POT1: variants seen among roughly 807,000 people sequenced by gnomAD.
POT1 encodes the protein protection of telomeres protein 1.
In POT1, 47 loss-of-function variants were observed where a neutral mutation model predicts 78.5. The ratio of observed to expected loss-of-function variants is 0.60; its 90% CI spans 0.47 to 0.76. POT1 has a LOEUF of 0.76. Ranked by LOEUF, POT1 falls within the 30% of genes least tolerant of loss-of-function variation. The pLI is 0.00. For synonymous variants in POT1, 259 were observed against 260.7 expected (o/e 0.99, Z 0.06); for missense variants, 646 against 749.9 (o/e 0.86, Z 1.62).
rs1283742832 is a variant in POT1 at position 124,829,249 on chromosome 7, C to T, written c.1594+5G>A. Reference sequence around the variant, plus strand: ...AAAATTGCAGGGCATGGAAATTTAGCTAACCTTCTGCCACAGAAGAAGGAA... The same window carrying T: ...AAAATTGCAGGGCATGGAAATTTAGTTAACCTTCTGCCACAGAAGAAGGAA... On this transcript the variant is annotated splice_donor_5th_base_variant and intron_variant, in intron 16 of 18. Coordinates refer to ENST00000357628, the MANE Select transcript of POT1 (RefSeq NM_015450.3). 1 of 1,575,852 alleles carries T rather than the reference C, an allele frequency of 6.3e-7. No individual in the cohort carries two copies. The highest frequency in any genetic ancestry group is 8.7e-7 in the Non-Finnish European group (1 of 1,148,418).
intron 5 of POT1, 72 bp downstream of exon 5, chr7:124,897,093 C>A: frequency 2.2e-6 from 2 of 900,440 alleles, no homozygotes; most frequent in Non-Finnish European, 3.3e-6. Context: ...AATATACATA[C>A]ACATGTATCT....
Position 124,822,451 on chromosome 7 carries a change from T to A in POT1, c.*1511A>T. 2.4e-6 allele frequency: 1 copy of A among 408,834 alleles called. No homozygotes were observed. Among genetic ancestry groups the A allele is most frequent in the African/African-American group, 2.0e-5 (1 of 48,968 alleles). 25.3% of individuals were successfully genotyped at this position (408,834 alleles called of 1,614,324 possible). ...GAGACATGGCCTATCATCATGAAGA[T>A]TCATAGGAAGAGTTTTCCTTTGTTA... On this transcript the variant is annotated 3_prime_UTR_variant, in exon 19 of 19. Coordinates refer to ENST00000357628, the MANE Select transcript of POT1 (RefSeq NM_015450.3).
chr7:124,892,318 A>G lies in POT1; in HGVS notation c.72T>C (p.Asn24=), dbSNP rs774667836. 6.5e-7 allele frequency: 1 copy of G among 1,541,694 alleles called. No homozygotes were observed. Among genetic ancestry groups the G allele is most frequent in the Non-Finnish European group, 8.7e-7 (1 of 1,151,280 alleles). The change falls in exon 6 of 19, where the codon AAT becomes AAC. Residue 24 remains asparagine, a synonymous_variant. Transcript: ENST00000357628. ...TAAAGAACTTCACAACACCATAGAC[A>G]TTGACAATTGTACCACCCTTAAGTT... ...LNQLKGGTIV[N]VYGVVKFFKP... is the part of the protein sequence containing the mutation.
intron 2 of POT1, among the ~76,000 whole-genome samples, chr7:124,923,738 G>A (rs2116718873): frequency 6.6e-6 from 1 of 151,180 alleles, no homozygotes; most frequent in Middle Eastern, 3.4e-3. Flanking sequence ...TTCAGAATGT[G>A]TAAAGTCAAA....
At chr7:124,875,526 C>T (rs765539338) in intron 6 of POT1, among the ~76,000 whole-genome samples, 2 of 152,010 alleles carry the variant, frequency 1.3e-5, no homozygotes, top group Non-Finnish European at 2.9e-5. Context: ...AAAATTTGTG[C>T]CCATGGTCAG....
At chr7:124,825,640 C>G (rs1199499532) in intron 17 of POT1, among the ~76,000 whole-genome samples, 1 of 151,938 alleles carries the variant, frequency 6.6e-6, no homozygotes, top group East Asian at 1.9e-4. Context: ...TGACTATTCT[C>G]TTTGTGCATA....
At chr7:124,886,939 TA>T (rs1205438552) in intron 6 of POT1, among the ~76,000 whole-genome samples, 4 of 152,126 alleles carry the variant, frequency 2.6e-5, no homozygotes, top group African/African-American at 9.7e-5. Flanking sequence ...ATCAACTTGT[TA>T]AAAAAACTTT....
At chr7:124,884,433 G>A (rs1796194724) in intron 6 of POT1, among the ~76,000 whole-genome samples, 1 of 152,086 alleles carries the variant, frequency 6.6e-6, no homozygotes, top group Admixed American at 6.6e-5. Context: ...TCTGCTTCTA[G>A]AAACACTGTA....
At chr7:124,866,286 T>C (rs1369617757) in intron 7 of POT1, among the ~76,000 whole-genome samples, 1 of 127,224 alleles carries the variant, frequency 7.9e-6, no homozygotes, top group Non-Finnish European at 1.7e-5. Flanking sequence ...ATGTGGTCCT[T>C]CGTGAGGTGA....
intron 6 of POT1, among the ~76,000 whole-genome samples, chr7:124,879,791 A>G (rs1283301710): frequency 1.3e-5 from 2 of 152,132 alleles, no homozygotes; most frequent in Non-Finnish European, 2.9e-5. Flanking sequence ...TCACTTCTCT[A>G]TTTGTACTTC....
At chr7:124,862,336 G>A (rs1333114612) in intron 8 of POT1, among the ~76,000 whole-genome samples, 2 of 152,150 alleles carry the variant, frequency 1.3e-5, no homozygotes, top group Non-Finnish European at 2.9e-5. Flanking sequence ...CTTGTCATAG[G>A]AAGTGTTCAG....
intron 11 of POT1, among the ~76,000 whole-genome samples, chr7:124,848,930 A>G (rs1168546898): frequency 3.3e-5 from 5 of 152,208 alleles, no homozygotes; most frequent in African/African-American, 1.2e-4. Flanking sequence ...TACTCTAACA[A>G]GAAAGCAAAA....
chr7:124,913,429 C>G (rs1366165445), intron 3 of POT1, among the ~76,000 whole-genome samples: 2 of 152,142 alleles, frequency 1.3e-5, no homozygotes, highest in African/African-American at 4.8e-5. Flanking sequence ...TATACACTGT[C>G]TTTTCATGTT....
chr7:124,905,588 T>C (rs1211092495), intron 3 of POT1, among the ~76,000 whole-genome samples: 1 of 150,404 alleles, frequency 6.6e-6, no homozygotes, highest in South Asian at 2.1e-4. Context: ...AAGAACTTCA[T>C]GACTAAAACA....
chr7:124,848,389 G>T (rs1795221821), intron 11 of POT1, among the ~76,000 whole-genome samples: 1 of 152,172 alleles, frequency 6.6e-6, no homozygotes, highest in Non-Finnish European at 1.5e-5. Flanking sequence ...CATAGGCCAG[G>T]CACGGTGGCT....
At chr7:124,900,427 C>T (rs906700877) in intron 3 of POT1, among the ~76,000 whole-genome samples, 4 of 152,116 alleles carry the variant, frequency 2.6e-5, no homozygotes, top group African/African-American at 7.2e-5. Context: ...CTCTCCTATA[C>T]AGCGTTTTAG....
At chr7:124,833,923 A>G (rs1322553665) in intron 15 of POT1, among the ~76,000 whole-genome samples, 2 of 152,334 alleles carry the variant, frequency 1.3e-5, no homozygotes, top group East Asian at 1.9e-4. Flanking sequence ...ACAGTTTTTA[A>G]TTCCAAAAGT....
rs761015263 is a variant in POT1, at chr7:124,827,338, G to T, written c.1595-33C>A. The T allele has an allele frequency of 1.5e-4, 189 of 1,250,522 alleles. No individual in the cohort carries two copies. Among genetic ancestry groups the T allele is most frequent in the Non-Finnish European group, 2.1e-4 (182 of 871,388 alleles). 77.5% of individuals were successfully genotyped at this position (1,250,522 alleles called of 1,614,324 possible). A position where few individuals can be genotyped will look rare whatever the true frequency, so the allele number is the denominator to read the frequency against. ...AGGAAAAAAAGATCAAACCATATGA[G>T]TCTGCTATTCCTTATTATCAAGGTA... On this transcript the variant is annotated intron_variant, in intron 16 of 18. Coordinates refer to ENST00000357628, the MANE Select transcript of POT1 (RefSeq NM_015450.3).
intron 3 of POT1, among the ~76,000 whole-genome samples, chr7:124,903,988 G>A (rs1796694405): frequency 6.6e-6 from 1 of 152,110 alleles, no homozygotes; most frequent in African/African-American, 2.4e-5. Flanking sequence ...TCCCTGAATA[G>A]ACCAATAACA....
Sources: gnomAD v4.1 joint callset for allele counts (sites outside exome capture counted in the v4.1 genomes callset) on GRCh38, gnomAD v4.1.1 for gene constraint, MANE v1.5 for transcripts, NCBI Gene and HGNC (gene_info 2026-07-23, HGNC 2026-07-21) for gene names.